Variants in RNF14 observed in about 807,000 individuals in gnomAD.
RNF14 encodes ring finger protein 14, also known as E3 ubiquitin-protein ligase RNF14.
A neutral mutation model predicts 52.6 loss-of-function variants in RNF14; 26 were observed. That is an observed-to-expected ratio of 0.49 (90% CI 0.36 to 0.69). The LOEUF (loss-of-function observed/expected upper bound fraction) is 0.69. RNF14 is among the 30% of genes least tolerant of loss of function. The pLI is 0.00. For synonymous variants in RNF14, 194 were observed against 202.0 expected, an observed-to-expected ratio of 0.96 and a Z score of 0.34; for missense variants, 404 against 560.4, an observed-to-expected ratio of 0.72 and a Z score of 2.82.
intron 3 of RNF14, 104 bp downstream of exon 3, chr5:141,973,846 A>G: frequency 2.1e-6 from 2 of 950,186 alleles, no homozygotes; most frequent in Non-Finnish European, 3.1e-6. Context: ...GATAGGTGGT[A>G]GTATTACAGA....
intron 1 of RNF14, among the ~76,000 whole-genome samples, chr5:141,959,239 C>T (rs1461591121): frequency 6.6e-6 from 1 of 152,194 alleles, no homozygotes; most frequent in Non-Finnish European, 1.5e-5. Flanking sequence ...TCTTCTCTCC[C>T]CAGTTTTGTT....
intron 8 of RNF14, among the ~76,000 whole-genome samples, chr5:141,987,404 T>A (rs1248045282): frequency 6.6e-6 from 1 of 152,190 alleles, no homozygotes; most frequent in Non-Finnish European, 1.5e-5. Context: ...TGGAGTGGTG[T>A]GGCTAACCTG....
At chr5:141,955,903 T>C, upstream of RNF14, 1 of 1,614,148 alleles carries the variant, frequency 6.2e-7, no homozygotes, top group South Asian at 1.1e-5. This position sits in a 1 kb window ranked among gnomAD's most constrained non-coding sequence, Gnocchi z 5.5. Flanking sequence ...CGTATGAGGG[T>C]TGAGGATGAA....
At position 141,989,765 on chromosome 5, in the gene RNF14, T is replaced by C. The variant is rs1205944629; in HGVS notation, c.*1975T>C. ...AGAAATGGAAATTAAAATGATTTGT[T>C]CTACAGTATATACCTGAGAAGAGTG... On this transcript the variant is annotated 3_prime_UTR_variant, in exon 9 of 9. Transcript: ENST00000394520. The C allele has an allele frequency of 6.6e-6, 1 of 152,088 alleles. No homozygotes were observed. The highest frequency in any genetic ancestry group is 2.4e-5 in the African/African-American group (1 of 41,424). 9.4% of individuals were successfully genotyped at this position (152,088 alleles called of 1,614,324 possible).
chr5:141,980,952 C>T (rs960717562), intron 6 of RNF14, among the ~76,000 whole-genome samples: 10 of 152,172 alleles, frequency 6.6e-5, no homozygotes, highest in South Asian at 4.1e-4. Flanking sequence ...CATGGCACTT[C>T]GGAAAGCTAC....
chr5:141,973,801 T>G, intron 3 of RNF14, 59 bp downstream of exon 3: 1 of 1,399,308 alleles, frequency 7.1e-7, no homozygotes, highest in Non-Finnish European at 9.7e-7. Context: ...TAGTGTACCT[T>G]AAACTATTTG....
At chr5:141,958,220 G>C, upstream of RNF14, 1 of 208,300 alleles carries the variant, frequency 4.8e-6, no homozygotes, top group East Asian at 1.1e-4. Context: ...AAACAGAGAA[G>C]CAGCTTTTTC....
chr5:141,957,988 G>T, upstream of RNF14: 1 of 986,650 alleles, frequency 1.0e-6, no homozygotes, highest in Non-Finnish European at 1.5e-6. The surrounding 1 kb of genome is among the most constrained non-coding windows in gnomAD (Gnocchi z 4.3). Context: ...TTGTCCCATA[G>T]TTAGATGATT....
At chr5:141,951,497 T>G in the RNF14 span, 1 of 1,613,792 alleles carries the variant, frequency 6.2e-7, no homozygotes, top group South Asian at 1.1e-5. Flanking sequence ...GCTTACCTGC[T>G]GCCTCCTGGC....
chr5:141,951,298 G>T, the RNF14 span, among the ~76,000 whole-genome samples: 3 of 152,150 alleles, frequency 2.0e-5, no homozygotes, highest in Non-Finnish European at 2.9e-5. Context: ...AGGACTTCTA[G>T]GTCCTGTAAA....
chr5:141,976,177 C>G (rs1239094462), intron 4 of RNF14, among the ~76,000 whole-genome samples: 2 of 152,214 alleles, frequency 1.3e-5, no homozygotes. Context: ...GCAACAGATG[C>G]AAGACAGTTG....
At chr5:141,957,167 A>G, upstream of RNF14, 1 of 1,614,184 alleles carries the variant, frequency 6.2e-7, no homozygotes, top group African/African-American at 1.3e-5. The surrounding 1 kb of genome is among the most constrained non-coding windows in gnomAD (Gnocchi z 4.3). Flanking sequence ...ACCTTGACCA[A>G]GCTGGTACCT....
the RNF14 span, chr5:141,951,442 G>A: frequency 7.4e-7 from 1 of 1,358,478 alleles, no homozygotes; most frequent in Non-Finnish European, 1.1e-6. Flanking sequence ...CAGTGATGAG[G>A]GGCGGCCAGT....
the RNF14 span, chr5:141,951,723 TG>T: frequency 2.9e-6 from 2 of 698,716 alleles, no homozygotes; most frequent in African/African-American, 1.8e-5. Context: ...TGTGATCAGA[TG>T]GGGGATGGTG....
chr5:141,954,900 T>G, upstream of RNF14: 1 of 1,532,516 alleles, frequency 6.5e-7, no homozygotes, highest in Non-Finnish European at 8.8e-7. Flanking sequence ...CTGTGCAGGT[T>G]ATGGGGGTGT....
the RNF14 span, chr5:141,949,422 G>A: frequency 6.2e-7 from 1 of 1,609,120 alleles, no homozygotes; most frequent in South Asian, 1.1e-5. Flanking sequence ...TAACTCCAGG[G>A]GGTCCCTACC....
chr5:141,978,241 C>A, intron 4 of RNF14, 62 bp from the exon 5 acceptor site: 1 of 1,431,352 alleles, frequency 7.0e-7, no homozygotes, highest in Non-Finnish European at 9.5e-7. Context: ...CTAGGGAAAC[C>A]AGGAGTTGGC....
At chr5:141,967,775 A>G (rs1377441779), upstream of RNF14, among the ~76,000 whole-genome samples, 1 of 152,232 alleles carries the variant, frequency 6.6e-6, no homozygotes, top group Non-Finnish European at 1.5e-5. Flanking sequence ...AGGAGCCAAC[A>G]TTTCTGTATT....
intron 6 of RNF14, chr5:141,981,715 T>C (rs1427559908): frequency 6.6e-6 from 1 of 151,830 alleles, no homozygotes; most frequent in African/African-American, 2.4e-5. Context: ...TAACGAGGTG[T>C]GGTGGTGCAC....
Sources: gnomAD v4.1 joint callset for allele counts (sites outside exome capture counted in the v4.1 genomes callset) on GRCh38, gnomAD v4.1.1 for gene constraint, Gnocchi (gnomAD v3.1) non-coding constraint, MANE v1.5 for transcripts, NCBI Gene and HGNC (gene_info 2026-07-23, HGNC 2026-07-21) for gene names.